Variants in ECHS1 observed in about 807,000 individuals in gnomAD.
ECHS1 encodes the protein enoyl-CoA hydratase, short chain 1.
A neutral mutation model predicts 33.5 loss-of-function variants in ECHS1; 19 were observed. That is an observed-to-expected ratio of 0.57 (90% confidence interval 0.40 to 0.83). The LOEUF (loss-of-function observed/expected upper bound fraction) is 0.83. ECHS1 is among the 40% of genes least tolerant of loss of function. ECHS1 has a pLI of 0.00. For synonymous variants in ECHS1, 158 were observed against 146.6 expected, an observed-to-expected ratio of 1.08 and a Z score of -0.56; for missense variants, 365 against 381.3, an observed-to-expected ratio of 0.96 and a Z score of 0.36.
chr10:133,363,122 G>A (rs1454725057), intron 7 of ECHS1, among the ~76,000 whole-genome samples, 189 bp from the exon 8 acceptor site: 3 of 152,154 alleles, frequency 2.0e-5, no homozygotes, highest in Admixed American at 6.5e-5. Flanking sequence ...GGATTTTCAC[G>A]GCCTCTCTCT....
At chr10:133,365,455 G>A (rs1234043901) in intron 6 of ECHS1, among the ~76,000 whole-genome samples, 1 of 152,258 alleles carries the variant, frequency 6.6e-6, no homozygotes, top group Non-Finnish European at 1.5e-5. Flanking sequence ...CACATGCTGA[G>A]AATAAATTGT....
rs1038508500 is a variant in ECHS1, at chr10:133,362,725, C to T, written c.*143G>A. On this transcript the variant is annotated 3_prime_UTR_variant, in exon 8 of 8. Coordinates refer to ENST00000368547, the MANE Select transcript of ECHS1 (RefSeq NM_004092.4). Reference sequence around the variant, plus strand: ...CGAAGGCTGTCATGCCGTGAGAGGTCGGGCCACGACCACGCAGCAATTGGA... The same window carrying T: ...CGAAGGCTGTCATGCCGTGAGAGGTTGGGCCACGACCACGCAGCAATTGGA... 10 of 890,992 alleles carry T rather than the reference C, an allele frequency of 1.1e-5. No homozygotes were observed. Among genetic ancestry groups the T allele is most frequent in the South Asian group, 6.0e-5 (4 of 67,170 alleles). 55.2% of individuals were successfully genotyped at this position (890,992 alleles called of 1,614,324 possible). A position where few individuals can be genotyped will look rare whatever the true frequency, so the allele number is the denominator to read the frequency against.
At chr10:133,368,511 TG>T (rs1564804395) in intron 4 of ECHS1, among the ~76,000 whole-genome samples, 1 of 152,056 alleles carries the variant, frequency 6.6e-6, no homozygotes, top group Non-Finnish European at 1.5e-5. Flanking sequence ...CTCACGGGCC[TG>T]GGTGGGGGGT....
chr10:133,364,128 T>A (rs1357058119), intron 7 of ECHS1, among the ~76,000 whole-genome samples: 1 of 152,118 alleles, frequency 6.6e-6, no homozygotes, highest in East Asian at 1.9e-4. Flanking sequence ...GGATTTTTAG[T>A]AGAGACGGGT....
intron 1 of ECHS1, among the ~76,000 whole-genome samples, chr10:133,372,536 G>T (rs990608731): frequency 6.6e-6 from 1 of 152,158 alleles, no homozygotes; most frequent in Non-Finnish European, 1.5e-5. Context: ...CCTGCTCTTA[G>T]AGCCGAGGGA....
In ECHS1 at chr10:133,373,281, G is replaced by A; in HGVS notation, c.53C>T (p.Pro18Leu). Residue 18 changes from proline to leucine, a missense_variant, in exon 1 of 8, where the codon CCG becomes CTG. By Grantham distance (98) the Pro-to-Leu change is moderately conservative. Transcript: ENST00000368547. The stretch of plus-strand genomic sequence containing the variant: ...GGGACGCCAGGCGGGACAGCGAACC[G>A]GGGGCCTCAGCGGGCCGCGGACGCA... ...LSCVRGPLRP[P>L]VRCPAWRPFA... The A allele has an allele frequency of 6.8e-7, 1 of 1,474,684 alleles. No individual in the cohort carries two copies. The highest frequency in any genetic ancestry group is 8.9e-7 in the Non-Finnish European group (1 of 1,118,788). 91.3% of individuals were successfully genotyped at this position (1,474,684 alleles called of 1,614,324 possible). A position where few individuals can be genotyped will look rare whatever the true frequency, so the allele number is the denominator to read the frequency against.
intron 1 of ECHS1, among the ~76,000 whole-genome samples, chr10:133,372,544 G>A (rs933635982): frequency 1.3e-5 from 2 of 152,158 alleles, no homozygotes; most frequent in African/African-American, 4.8e-5. Context: ...TAGAGCCGAG[G>A]GAACACCCCG....
intron 6 of ECHS1, among the ~76,000 whole-genome samples, chr10:133,364,945 C>T (rs575813264): frequency 3.9e-5 from 6 of 152,274 alleles, no homozygotes; most frequent in South Asian, 2.1e-4. Flanking sequence ...CGTCACACTC[C>T]GGTAGCCCAC....
At chr10:133,372,507 C>T (rs562184965) in intron 1 of ECHS1, among the ~76,000 whole-genome samples, 29 of 152,284 alleles carry the variant, frequency 1.9e-4, no homozygotes, top group African/African-American at 6.0e-4. Context: ...TCGGGCTGGC[C>T]GGCTGCACAG....
rs532431881 is a variant in ECHS1, at chr10:133,365,013, G to A, written c.740-288C>T. On this transcript the variant is annotated intron_variant, in intron 6 of 7. Coordinates refer to ENST00000368547, the MANE Select transcript of ECHS1 (RefSeq NM_004092.4). ...GTGAGATGGCAAACTGTGCCCTTGA[G>A]GAGAGGCTGTGAGGCGGCAACGGGG... is the stretch of plus-strand genomic sequence containing the variant. Among the ~76,000 whole-genome samples, 5 of 152,232 alleles carry A rather than the reference G, an allele frequency of 3.3e-5. No individual in the cohort carries two copies. In the South Asian group the frequency reaches 8.3e-4, roughly 25 times the overall value.
chr10:133,362,813 G>T lies in ECHS1; in HGVS notation c.*55C>A. 1 of 1,569,268 alleles carries T rather than the reference G, an allele frequency of 6.4e-7. No individual in the cohort carries two copies. The highest frequency in any genetic ancestry group is 1.1e-5 in the South Asian group (1 of 90,156). ...GGATGATTTACTTGCTTCTAAAACT[G>T]ACAGGCTGCACTTGTCCTCTCCAAG... On this transcript the variant is annotated 3_prime_UTR_variant, in exon 8 of 8. Transcript: ENST00000368547.
intron 3 of ECHS1, 139 bp downstream of exon 3, chr10:133,369,765 T>C (rs1849080134): frequency 3.2e-6 from 4 of 1,262,484 alleles, no homozygotes; most frequent in Non-Finnish European, 4.3e-6. Context: ...TTCCTGGCTC[T>C]TTAGCACCAT....
chr10:133,369,905 G>T lies in ECHS1; in HGVS notation c.413C>A (p.Ala138Asp), dbSNP rs864309656. 3 of 1,613,278 alleles carry T rather than the reference G, an allele frequency of 1.9e-6. No homozygotes were observed. The African/African-American group carries it at 4.0e-5, about 22-fold the overall frequency. ...GAGACTCTTGGCAGCAACACTCACG[G>T]CATAGCCATTGACAGCAGCGATGAC... The part of the protein sequence containing the change: ...KPVIAAVNGY[A>D]FGGGCELAMM... The change falls in exon 3 of 8, where the codon GCC (alanine) becomes GAC (aspartate). Residue 138 changes from alanine (A) to aspartate (D), a missense_variant and splice_region_variant. Coordinates refer to ENST00000368547, the MANE Select transcript of ECHS1 (RefSeq NM_004092.4).
chr10:133,366,101 A>G lies in ECHS1; in HGVS notation c.620-6T>C. The G allele has an allele frequency of 6.2e-7, 1 of 1,612,756 alleles. No homozygotes were observed. Among genetic ancestry groups the G allele is most frequent in the South Asian group, 1.1e-5 (1 of 91,056 alleles). Reference sequence around the variant, plus strand: ...ACAAATCTTGCTGACAAGACCTGAAACACAAGAAAGTCAGTGAGTGATGTG... The same window carrying G: ...ACAAATCTTGCTGACAAGACCTGAAGCACAAGAAAGTCAGTGAGTGATGTG... On this transcript the variant is annotated splice_polypyrimidine_tract_variant and splice_region_variant and intron_variant, in intron 5 of 7. Coordinates refer to ENST00000368547, the MANE Select transcript of ECHS1 (RefSeq NM_004092.4).
In ECHS1 at chr10:133,364,769, C is replaced by G. The variant is rs772695757; in HGVS notation, c.740-44G>C. On this transcript the variant is annotated intron_variant, in intron 6 of 7. Coordinates refer to ENST00000368547, the MANE Select transcript of ECHS1 (RefSeq NM_004092.4). ...GAGTTATGAACGGAGATATTACATGCAGAACTTTTCCTGCACGGTGACAGG... is the reference window on the plus strand; with the variant it reads ...GAGTTATGAACGGAGATATTACATGGAGAACTTTTCCTGCACGGTGACAGG... 1.4e-5 allele frequency: 21 copies of G among 1,525,570 alleles called. No individual in the cohort carries two copies. In the South Asian group the frequency reaches 2.2e-4, roughly 16 times the overall value. The allele number at this position is 1,525,570 out of a possible 1,614,324, so 94.5% of individuals were successfully genotyped here.
At chr10:133,365,158 C>T (rs1395507764) in intron 6 of ECHS1, among the ~76,000 whole-genome samples, 1 of 152,230 alleles carries the variant, frequency 6.6e-6, no homozygotes, top group Non-Finnish European at 1.5e-5. Context: ...CCGTTCTTTG[C>T]ACGAGGCCAA....
At position 133,362,905 on chromosome 10, in the gene ECHS1, A is replaced by G. The variant is rs1554885535; in HGVS notation, c.836T>C (p.Phe279Ser). ...TDDRKEGMTA[F>S]VEKRKANFKD... Reference sequence around the variant, plus strand: ...GAAGTTGGCCTTTCTCTTTTCCACAAACGCGGTCATCCCTTCTTTCCGGTC... The same window carrying G: ...GAAGTTGGCCTTTCTCTTTTCCACAGACGCGGTCATCCCTTCTTTCCGGTC... Residue 279 changes from phenylalanine to serine, a missense_variant, in exon 8 of 8, where the codon TTT becomes TCT. Phe to Ser is a radical substitution (Grantham distance 155, BLOSUM62 -2). Coordinates refer to ENST00000368547, the MANE Select transcript of ECHS1 (RefSeq NM_004092.4). 2.5e-6 allele frequency: 4 copies of G among 1,614,124 alleles called. No homozygotes were observed. The highest frequency in any genetic ancestry group is 3.4e-6 in the Non-Finnish European group (4 of 1,180,032).
rs886596748 is a variant in ECHS1, at chr10:133,362,715, C to T, written c.*153G>A. The stretch of plus-strand genomic sequence containing the variant: ...GGCTGGGTGACGAAGGCTGTCATGC[C>T]GTGAGAGGTCGGGCCACGACCACGC... On this transcript the variant is annotated 3_prime_UTR_variant, in exon 8 of 8. Coordinates refer to ENST00000368547, the MANE Select transcript of ECHS1 (RefSeq NM_004092.4). 4 of 786,804 alleles carry T rather than the reference C, an allele frequency of 5.1e-6. No homozygotes were observed. The highest frequency in any genetic ancestry group is 1.6e-5 in the South Asian group (1 of 63,256). The allele number at this position is 786,804 out of a possible 1,614,324, so 48.7% of individuals were successfully genotyped here. A position where few individuals can be genotyped will look rare whatever the true frequency, so the allele number is the denominator to read the frequency against.
chr10:133,363,027 A>G (rs1411566969), intron 7 of ECHS1, 94 bp from the exon 8 acceptor site: 1 of 1,449,364 alleles, frequency 6.9e-7, no homozygotes. Flanking sequence ...GCTCTGCCTC[A>G]CTCATGCTCA....
Sources: gnomAD v4.1 joint callset for allele counts (sites outside exome capture counted in the v4.1 genomes callset) on GRCh38, gnomAD v4.1.1 for gene constraint, MANE v1.5 for transcripts, NCBI Gene and HGNC (gene_info 2026-07-23, HGNC 2026-07-21) for gene names.